FARSB: variants seen among roughly 807,000 people sequenced by gnomAD.
The protein encoded by FARSB is phenylalanine--tRNA ligase beta subunit.
In FARSB, 40 loss-of-function variants were observed where a neutral mutation model predicts 69.6. The observed-to-expected ratio is 0.57, with a 90% confidence interval of 0.45 to 0.75. The LOEUF is 0.75. Ranked by LOEUF, FARSB falls within the 30% of genes least tolerant of loss-of-function variation. The pLI, the probability that FARSB is intolerant of heterozygous loss-of-function variation, is 0.00. For missense variants in FARSB, 632 were observed against 722.9 expected (o/e 0.87, Z 1.44); for synonymous variants, 235 against 247.2 (o/e 0.95, Z 0.46).
At position 222,569,757 on chromosome 2, in the gene FARSB, T is replaced by C. The variant is rs983940525; in HGVS notation, c.*2114A>G. 1 of 152,236 alleles carries C rather than the reference T, an allele frequency of 6.6e-6. No homozygotes were observed. The highest frequency in any genetic ancestry group is 2.4e-5 in the African/African-American group (1 of 41,460). The allele number at this position is 152,236 out of a possible 1,614,324, so 9.4% of individuals were successfully genotyped here. On this transcript the variant is annotated 3_prime_UTR_variant, in exon 17 of 17. Transcript: ENST00000281828. Reference sequence around the variant, plus strand: ...TGTCTCTTGCTTTCACTTAGCATACTGTTTTGAAATTCATTCATGTTGTTT... The same window carrying C: ...TGTCTCTTGCTTTCACTTAGCATACCGTTTTGAAATTCATTCATGTTGTTT...
intron 14 of FARSB, among the ~76,000 whole-genome samples, chr2:222,617,578 A>C (rs1240450450): frequency 6.6e-6 from 1 of 152,192 alleles, no homozygotes. Flanking sequence ...GTACTAACTG[A>C]ATCTAAAATA....
At chr2:222,633,416 CT>C in intron 6 of FARSB, 109 bp from the exon 7 acceptor site, 1 of 556,236 alleles carries the variant, frequency 1.8e-6, no homozygotes. Flanking sequence ...GGTGTGGTGG[CT>C]CATGCCTGTA....
intron 15 of FARSB, among the ~76,000 whole-genome samples, chr2:222,603,090 T>G (rs996648692): frequency 1.3e-5 from 2 of 152,176 alleles, no homozygotes; most frequent in African/African-American, 4.8e-5. Context: ...CAGTCATCAT[T>G]TAACTTTATA....
At position 222,626,511 on chromosome 2, in the gene FARSB, T is replaced by G. The variant is rs189384945; in HGVS notation, c.901-1736A>C. ...GAGGATCCTTCCCTAAGAAAAGCTG[T>G]TCTAATTTAAGTTTAGGAGGAAATA... On this transcript the variant is annotated intron_variant, in intron 10 of 16. Transcript: ENST00000281828. Among the ~76,000 whole-genome samples, 874 of 152,248 alleles carry G rather than the reference T, an allele frequency of 5.7e-3. 5 individuals carry two copies. Among genetic ancestry groups the G allele is most frequent in the African/African-American group, 0.02 (824 of 41,550 alleles).
At chr2:222,655,619 G>A (rs1574961738) in intron 1 of FARSB, among the ~76,000 whole-genome samples, 1 of 152,160 alleles carries the variant, frequency 6.6e-6, no homozygotes, top group Non-Finnish European at 1.5e-5. Context: ...TCTCCACCCC[G>A]CTGCACAAAT....
intron 1 of FARSB, among the ~76,000 whole-genome samples, chr2:222,650,868 T>C (rs1192743249): frequency 6.6e-6 from 1 of 152,212 alleles, no homozygotes; most frequent in Non-Finnish European, 1.5e-5. Flanking sequence ...AGAAATTTTG[T>C]AAAATAATAA....
chr2:222,594,447 T>C lies in FARSB; in HGVS notation c.1618+5481A>G, dbSNP rs146136835. ...TCATTTTTAAATTTAACTTAAAAAT[T>C]TTGCTTAGTTATTGATAACCCTGCA... On this transcript the variant is annotated intron_variant, in intron 16 of 16. Transcript: ENST00000281828. 3.0e-4 allele frequency among the ~76,000 whole-genome samples: 46 copies of C among 152,252 alleles called. No homozygotes were observed. The East Asian group carries it at 8.1e-3, about 27-fold the overall frequency.
intron 16 of FARSB, among the ~76,000 whole-genome samples, chr2:222,576,302 C>T (rs945531565): frequency 4.0e-5 from 6 of 151,470 alleles, no homozygotes; most frequent in African/African-American, 1.5e-4. Flanking sequence ...ATGTGAGGCT[C>T]GAACCCACAT....
intron 2 of FARSB, chr2:222,644,439 A>G (rs1574952893): frequency 2.4e-6 from 1 of 421,370 alleles, no homozygotes. Context: ...GAATGGGGAG[A>G]GGCAAAAAGA....
At chr2:222,612,335 T>G (rs1207143867) in intron 15 of FARSB, among the ~76,000 whole-genome samples, 1 of 152,216 alleles carries the variant, frequency 6.6e-6, no homozygotes, top group Non-Finnish European at 1.5e-5. Context: ...TTCAATATTT[T>G]ATGCAGCCCT....
intron 4 of FARSB, 115 bp downstream of exon 4, chr2:222,640,747 C>T (rs1425258970): frequency 4.9e-6 from 3 of 613,088 alleles, no homozygotes; most frequent in Non-Finnish European, 8.7e-6. Flanking sequence ...AAGAGCCAGA[C>T]CCTGTCTCAA....
At chr2:222,582,251 G>C (rs181789192) in intron 16 of FARSB, among the ~76,000 whole-genome samples, 108 of 152,306 alleles carry the variant, frequency 7.1e-4, no homozygotes, top group African/African-American at 2.4e-3. Context: ...AAAGAAAGGA[G>C]GAAGATCTCT....
chr2:222,594,557 T>G (rs1690362264), intron 16 of FARSB, among the ~76,000 whole-genome samples: 2 of 152,126 alleles, frequency 1.3e-5, no homozygotes, highest in Admixed American at 6.5e-5. Flanking sequence ...AATACATATA[T>G]ACAGTATATA....
chr2:222,580,920 T>C (rs1479083766), intron 16 of FARSB, among the ~76,000 whole-genome samples: 2 of 152,024 alleles, frequency 1.3e-5, no homozygotes, highest in Non-Finnish European at 2.9e-5. Flanking sequence ...AGTACAACTA[T>C]AACACAAAAA....
At chr2:222,608,795 G>A (rs915348735) in intron 15 of FARSB, among the ~76,000 whole-genome samples, 2 of 152,134 alleles carry the variant, frequency 1.3e-5, no homozygotes, top group East Asian at 1.9e-4. Context: ...ATAATGCTCT[G>A]AGCAAAAAGT....
intron 13 of FARSB, among the ~76,000 whole-genome samples, chr2:222,623,195 T>A (rs1691184921): frequency 6.6e-6 from 1 of 152,206 alleles, no homozygotes; most frequent in Non-Finnish European, 1.5e-5. Context: ...ATTTAGGCCT[T>A]TTATGTCAGC....
rs1275732024 is a variant in FARSB, at chr2:222,571,625, T to C, written c.*246A>G. 1 of 377,620 alleles carries C rather than the reference T, an allele frequency of 2.6e-6. No individual in the cohort carries two copies. The highest frequency in any genetic ancestry group is 4.8e-6 in the Non-Finnish European group (1 of 209,370). The allele number at this position is 377,620 out of a possible 1,614,324, so 23.4% of individuals were successfully genotyped here. A position where few individuals can be genotyped will look rare whatever the true frequency, so the allele number is the denominator to read the frequency against. On this transcript the variant is annotated 3_prime_UTR_variant, in exon 17 of 17. Coordinates refer to ENST00000281828, the MANE Select transcript of FARSB (RefSeq NM_005687.5). ...AGATCCTGCACTCTGCTAGTGCATT[T>C]CTCCAGCACTCCACGGGGCTTTTAC...
chr2:222,575,097 G>A (rs1689803425), intron 16 of FARSB, among the ~76,000 whole-genome samples: 1 of 152,216 alleles, frequency 6.6e-6, no homozygotes, highest in South Asian at 2.1e-4. Context: ...GCTGACCTGG[G>A]CAACCATTAG....
chr2:222,652,762 C>A (rs771850772), intron 1 of FARSB, among the ~76,000 whole-genome samples: 1 of 152,190 alleles, frequency 6.6e-6, no homozygotes, highest in Admixed American at 6.5e-5. Context: ...CAAAAACCAC[C>A]CAGCTAAGCC....
Sources: gnomAD v4.1 joint callset for allele counts (sites outside exome capture counted in the v4.1 genomes callset) on GRCh38, gnomAD v4.1.1 for gene constraint, MANE v1.5 for transcripts, NCBI Gene and HGNC (gene_info 2026-07-23, HGNC 2026-07-21) for gene names.